Variants in CNEP1R1 observed in about 807,000 individuals in gnomAD.
CNEP1R1 encodes nuclear envelope phosphatase-regulatory subunit 1.
Under a neutral mutation model 22.7 loss-of-function variants are expected in CNEP1R1, and 10 were observed. The observed-to-expected ratio is 0.44, with a 90% confidence interval of 0.27 to 0.75. CNEP1R1 has a LOEUF of 0.75. Among genes scored for constraint, CNEP1R1 ranks in the 30% least tolerant of loss-of-function variants. The pLI is 0.17. For missense variants in CNEP1R1, 73 were observed against 151.5 expected (o/e 0.48, Z 2.72); for synonymous variants, 53 against 50.1 (o/e 1.06, Z -0.25).
intron 4 of CNEP1R1, among the ~76,000 whole-genome samples, 177 bp from the exon 5 acceptor site, chr16:50,033,925 C>G (rs755002705): frequency 6.8e-6 from 1 of 147,022 alleles, no homozygotes; most frequent in Non-Finnish European, 1.5e-5. Context: ...GCTCTGTCGC[C>G]CAGGCTGGAG....
In CNEP1R1 at chr16:50,033,483, C is replaced by T. The variant is rs1003047303; in HGVS notation, c.258C>T (p.His86=). ...TLIGLFFAGI[H]KRVVAPSIIA... ...TAGGCTTGTTCTTTGCTGGAATACA[C>T]AAGAGAGTAGTTGCACCATCAATGT... Residue 86 remains histidine, a synonymous_variant, in exon 4 of 6, where the codon CAC becomes CAT. Coordinates refer to ENST00000427478, the MANE Select transcript of CNEP1R1 (RefSeq NM_001281789.2). 27 of 1,573,954 alleles carry T rather than the reference C, an allele frequency of 1.7e-5. No homozygotes were observed. Among genetic ancestry groups the T allele is most frequent in the Admixed American group, 6.7e-5 (4 of 59,478 alleles).
chr16:50,025,230 T>C lies in CNEP1R1; in HGVS notation c.-86T>C, dbSNP rs1045552311. The C allele has an allele frequency of 1.6e-5, 20 of 1,281,084 alleles. No individual in the cohort carries two copies. In the African/African-American group the frequency reaches 3.2e-4, roughly 20 times the overall value. 79.4% of individuals were successfully genotyped at this position (1,281,084 alleles called of 1,614,324 possible). A position where few individuals can be genotyped will look rare whatever the true frequency, so the allele number is the denominator to read the frequency against. ...AGGGGCAGCGGGGAGCGGTTAGAGG[T>C]GGGAGTTGGCGCTGCGGGCCGGGCG... On this transcript the variant is annotated 5_prime_UTR_variant, in exon 1 of 6. Coordinates refer to ENST00000427478, the MANE Select transcript of CNEP1R1 (RefSeq NM_001281789.2).
intron 5 of CNEP1R1, 47 bp from the exon 6 acceptor site, chr16:50,035,364 GTATTTT>G: frequency 1.0e-6 from 1 of 983,786 alleles, no homozygotes; most frequent in Non-Finnish European, 1.6e-6. Context: ...ATAAGCAGTG[GTATTTT>G]TACTAGAACT....
intron 5 of CNEP1R1, chr16:50,034,682 CTT>C (rs2036260667): frequency 6.4e-6 from 1 of 156,834 alleles, no homozygotes; most frequent in Non-Finnish European, 1.4e-5. Flanking sequence ...AGGAGGATCT[CTT>C]GAGTCCAGGA....
Position 50,035,688 on chromosome 16 carries a change from G to T in CNEP1R1, c.*230G>T. 2.2e-6 allele frequency: 1 copy of T among 459,612 alleles called. No homozygotes were observed. Among genetic ancestry groups the T allele is most frequent in the Non-Finnish European group, 3.9e-6 (1 of 259,228 alleles). 28.5% of individuals were successfully genotyped at this position (459,612 alleles called of 1,614,324 possible). On this transcript the variant is annotated 3_prime_UTR_variant, in exon 6 of 6. Coordinates refer to ENST00000427478, the MANE Select transcript of CNEP1R1 (RefSeq NM_001281789.2). ...GTATTAGTGTCACTTTAGTACTTCA[G>T]ATCCTGCAAATATTTTTGCAGATGA...
intron 2 of CNEP1R1, among the ~76,000 whole-genome samples, chr16:50,029,462 C>T (rs919891382): frequency 2.6e-5 from 4 of 152,170 alleles, no homozygotes; most frequent in Non-Finnish European, 5.9e-5. Flanking sequence ...GTGTCACCAT[C>T]GAATTGCTTT....
intron 2 of CNEP1R1, among the ~76,000 whole-genome samples, chr16:50,029,369 G>GT (rs1482250538): frequency 6.6e-6 from 1 of 152,070 alleles, no homozygotes; most frequent in African/African-American, 2.4e-5. Flanking sequence ...AAATGAGTTT[G>GT]TTTTTTTAAT....
At chr16:50,026,273 A>T in intron 1 of CNEP1R1, 123 bp from the exon 2 acceptor site, 1 of 653,232 alleles carries the variant, frequency 1.5e-6, no homozygotes, top group East Asian at 2.7e-5. Flanking sequence ...CATGGAAGTT[A>T]GTGTGTAAGA....
chr16:50,025,519 C>T, intron 1 of CNEP1R1, 179 bp downstream of exon 1: 1 of 1,086,628 alleles, frequency 9.2e-7, no homozygotes, highest in South Asian at 1.5e-5. Flanking sequence ...GGCGGTGCCT[C>T]AGCTCCCTGA....
chr16:50,026,194 A>C (rs952955640), intron 1 of CNEP1R1: 16 of 471,870 alleles, frequency 3.4e-5, no homozygotes, highest in African/African-American at 2.9e-4. Flanking sequence ...ATTGGAATTA[A>C]AGAGCCCTAA....
intron 5 of CNEP1R1, chr16:50,034,527 C>T: frequency 6.6e-6 from 1 of 152,636 alleles, no homozygotes. Flanking sequence ...AAGTGATATG[C>T]TATATATGTT....
intron 2 of CNEP1R1, among the ~76,000 whole-genome samples, chr16:50,028,115 G>A (rs926872751): frequency 7.2e-5 from 11 of 152,018 alleles, no homozygotes; most frequent in African/African-American, 2.2e-4. Flanking sequence ...CCGCCACCAC[G>A]GCAGCTAATT....
chr16:50,034,285 G>A, intron 5 of CNEP1R1, 129 bp downstream of exon 5: 1 of 642,348 alleles, frequency 1.6e-6, no homozygotes. Context: ...TATACTTAGA[G>A]CATTGATTCT....
intron 2 of CNEP1R1, among the ~76,000 whole-genome samples, chr16:50,029,113 T>A (rs2036210951): frequency 6.6e-6 from 1 of 152,204 alleles, no homozygotes; most frequent in Non-Finnish European, 1.5e-5. Flanking sequence ...TACTTATGAT[T>A]TATTTAGAAT....
intron 2 of CNEP1R1, among the ~76,000 whole-genome samples, chr16:50,028,101 G>A (rs1243234247): frequency 6.6e-6 from 1 of 152,084 alleles, no homozygotes; most frequent in South Asian, 2.1e-4. Context: ...GAGATTACAG[G>A]TGCCCGCCAC....
intron 3 of CNEP1R1, among the ~76,000 whole-genome samples, chr16:50,031,655 C>T (rs559641570): frequency 2.0e-5 from 3 of 152,146 alleles, no homozygotes; most frequent in Non-Finnish European, 4.4e-5. Flanking sequence ...TATAACTATT[C>T]GCCTAAGGGT....
intron 2 of CNEP1R1, 107 bp downstream of exon 2, chr16:50,026,574 A>G (rs1281550548): frequency 3.5e-6 from 3 of 845,742 alleles, no homozygotes; most frequent in African/African-American, 1.7e-5. Flanking sequence ...TTTATTTAAC[A>G]TTGTAGACAA....
At chr16:50,028,668 C>T (rs527628563) in intron 2 of CNEP1R1, among the ~76,000 whole-genome samples, 22 of 152,246 alleles carry the variant, frequency 1.4e-4, no homozygotes, top group African/African-American at 5.3e-4. Context: ...TTAGCACTTA[C>T]TTGGTTAATG....
At chr16:50,030,152 A>G (rs2036219322) in intron 3 of CNEP1R1, among the ~76,000 whole-genome samples, 1 of 152,144 alleles carries the variant, frequency 6.6e-6, no homozygotes, top group Non-Finnish European at 1.5e-5. Context: ...CATCAGTGCC[A>G]GCTTTTAAAA....
Sources: allele counts gnomAD v4.1 joint callset (sites outside exome capture counted in the v4.1 genomes callset), GRCh38; gene constraint gnomAD v4.1.1; transcripts MANE v1.5; gene names NCBI Gene and HGNC (gene_info 2026-07-23, HGNC 2026-07-21).